Variants in JADE1 observed in about 807,000 individuals in gnomAD.
The protein encoded by JADE1 is protein Jade-1.
Under a neutral mutation model 81.8 loss-of-function variants are expected in JADE1, and 14 were observed. That is an observed-to-expected ratio of 0.17 (90% CI 0.11 to 0.27). The LOEUF is 0.27. Ranked by LOEUF, JADE1 falls within the 10% of genes least tolerant of loss-of-function variation. JADE1 has a pLI of 1.00. For missense variants in JADE1, 690 were observed against 1,047.9 expected (o/e 0.66, Z 4.71); for synonymous variants, 353 against 391.9 (o/e 0.90, Z 1.17).
chr4:128,833,610 C>T (rs1728730562), intron 2 of JADE1, among the ~76,000 whole-genome samples: 1 of 152,148 alleles, frequency 6.6e-6, no homozygotes, highest in African/African-American at 2.4e-5. Context: ...AGGAGAATCA[C>T]TTGAACCCAG....
At chr4:128,855,596 C>G (rs1045110097) in intron 6 of JADE1, 34 bp from the exon 7 acceptor site, 12 of 1,543,594 alleles carry the variant, frequency 7.8e-6, no homozygotes, top group African/African-American at 1.4e-5. Context: ...TTCTCTTTCT[C>G]TCTATTCCTC....
At chr4:128,827,163 C>T (rs1404411051) in intron 1 of JADE1, among the ~76,000 whole-genome samples, 1 of 152,162 alleles carries the variant, frequency 6.6e-6, no homozygotes, top group African/African-American at 2.4e-5. Flanking sequence ...CTCCATCCCC[C>T]TCTGCAAGAT....
At chr4:128,860,847 C>T (rs944941879) in intron 8 of JADE1, among the ~76,000 whole-genome samples, 13 of 152,176 alleles carry the variant, frequency 8.5e-5, no homozygotes, top group Non-Finnish European at 1.6e-4. Context: ...CACGGTTCTC[C>T]TGCCTCTCTT....
chr4:128,862,245 C>A lies in JADE1; in HGVS notation c.1503+20C>A. The A allele has an allele frequency of 6.2e-7, 1 of 1,613,648 alleles. No homozygotes were observed. Among genetic ancestry groups the A allele is most frequent in the Non-Finnish European group, 8.5e-7 (1 of 1,179,686 alleles). On this transcript the variant is annotated intron_variant, in intron 9 of 10. Transcript: ENST00000226319. ...GAGAGGGTAATGATTGACACTGACACCTTATAGTGACTTAGAGAAGAAGAT... is the reference window on the plus strand; with the variant it reads ...GAGAGGGTAATGATTGACACTGACAACTTATAGTGACTTAGAGAAGAAGAT...
intron 1 of JADE1, among the ~76,000 whole-genome samples, chr4:128,813,506 C>T (rs1344263883): frequency 6.6e-6 from 1 of 150,728 alleles, no homozygotes; most frequent in East Asian, 2.0e-4. Context: ...GCAACCTCCG[C>T]CTCCTGGGTT....
intron 4 of JADE1, 131 bp from the exon 5 acceptor site, chr4:128,848,849 C>A: frequency 2.5e-6 from 2 of 794,242 alleles, no homozygotes; most frequent in East Asian, 2.5e-5. Flanking sequence ...CAGTGACATT[C>A]AGGTTTTCAG....
intron 9 of JADE1, chr4:128,863,990 C>T (rs1731585109): frequency 1.0e-5 from 10 of 985,352 alleles, no homozygotes; most frequent in Non-Finnish European, 1.2e-5. Context: ...TAATTCTAAA[C>T]ATTTTTTTTG....
At chr4:128,825,971 T>A (rs1728027621) in intron 1 of JADE1, among the ~76,000 whole-genome samples, 1 of 152,230 alleles carries the variant, frequency 6.6e-6, no homozygotes, top group Non-Finnish European at 1.5e-5. Flanking sequence ...GATTGTTAAG[T>A]AACTGGTCCA....
intron 1 of JADE1, 78 bp from the exon 2 acceptor site, chr4:128,831,655 C>T (rs1308128382): frequency 8.0e-7 from 1 of 1,248,922 alleles, no homozygotes; most frequent in Non-Finnish European, 1.2e-6. Flanking sequence ...TGCTGTAAAT[C>T]CTGGGCTGCC....
rs1732324496 is a variant in JADE1 at position 128,873,256 on chromosome 4, G to GAAAAAAAAAAAAAAAGAAAAAAAGA, written c.*1009_*1010insGAAAAAAAGAAAAAAAAAAAAAAAA. ...CATGAATGGATTCCTTAAGAAAAAG[G>GAAAAAAAAAAAAAAAGAAAAAAAGA]AAAAAAAAAAAAAAAAGAAAAAAAG... On this transcript the variant is annotated 3_prime_UTR_variant, in exon 11 of 11. Coordinates refer to ENST00000226319, the MANE Select transcript of JADE1 (RefSeq NM_199320.4). 1 of 28,694 alleles carries GAAAAAAAAAAAAAAAGAAAAAAAGA rather than the reference G, an allele frequency of 3.5e-5. No homozygotes were observed. The highest frequency in any genetic ancestry group is 1.2e-4 in the African/African-American group (1 of 8,438). 1.8% of individuals were successfully genotyped at this position (28,694 alleles called of 1,614,324 possible).
chr4:128,845,389 G>GGTA (rs1473954078), intron 3 of JADE1, among the ~76,000 whole-genome samples: 2 of 152,144 alleles, frequency 1.3e-5, no homozygotes, highest in African/African-American at 2.4e-5. Context: ...GTGGGGAGAG[G>GGTA]GTAGTGACTT....
chr4:128,822,896 C>T (rs1322053448), intron 1 of JADE1, among the ~76,000 whole-genome samples: 1 of 152,122 alleles, frequency 6.6e-6, no homozygotes, highest in African/African-American at 2.4e-5. Flanking sequence ...TATTTTCTCT[C>T]CTCCTATTAT....
chr4:128,816,104 T>C (rs557661745), intron 1 of JADE1, among the ~76,000 whole-genome samples: 1 of 152,324 alleles, frequency 6.6e-6, no homozygotes, highest in East Asian at 1.9e-4. Flanking sequence ...GAAAGTATTT[T>C]AATTCCTGAG....
intron 8 of JADE1, among the ~76,000 whole-genome samples, chr4:128,858,115 GAA>G (rs1560769487): frequency 6.6e-6 from 1 of 152,118 alleles, no homozygotes. Context: ...GAGCGTGAGC[GAA>G]AGAGTGCGTG....
chr4:128,870,257 G>T (rs914049146), intron 10 of JADE1, among the ~76,000 whole-genome samples: 3 of 152,196 alleles, frequency 2.0e-5, no homozygotes, highest in African/African-American at 7.2e-5. Flanking sequence ...AACACCTCCT[G>T]TGGTCATGAC....
chr4:128,857,702 C>A (rs1013898843), intron 8 of JADE1, among the ~76,000 whole-genome samples: 3 of 152,158 alleles, frequency 2.0e-5, no homozygotes, highest in African/African-American at 7.2e-5. Context: ...AGCTGTGAGG[C>A]GGTTGCAGTT....
At position 128,874,318 on chromosome 4, in the gene JADE1, TTAATC is replaced by T. The variant is rs946642462; in HGVS notation, c.*2059_*2063del. 6.6e-6 allele frequency: 1 copy of T among 152,558 alleles called. No homozygotes were observed. Among genetic ancestry groups the T allele is most frequent in the African/African-American group, 2.4e-5 (1 of 41,420 alleles). The allele number at this position is 152,558 out of a possible 1,614,324, so 9.5% of individuals were successfully genotyped here. A position where few individuals can be genotyped will look rare whatever the true frequency, so the allele number is the denominator to read the frequency against. Reference sequence around the variant, plus strand: ...TCAAGCCATAGAAAGAAAATCTAAATTAATCTAGTAAGTGTATGACCTCTCACCAT... The same window carrying T: ...TCAAGCCATAGAAAGAAAATCTAAATTAGTAAGTGTATGACCTCTCACCAT... On this transcript the variant is annotated 3_prime_UTR_variant, in exon 11 of 11. Transcript: ENST00000226319.
At chr4:128,853,220 A>G (rs6847753) in intron 6 of JADE1, among the ~76,000 whole-genome samples, 117,584 of 152,150 alleles carry the variant, frequency 0.77, 47,087 homozygotes, top group South Asian at 0.92. Context: ...ATGGGACTAG[A>G]GACCCACCCT....
chr4:128,841,060 C>T (rs916840033), intron 2 of JADE1, among the ~76,000 whole-genome samples: 1 of 152,204 alleles, frequency 6.6e-6, no homozygotes, highest in Non-Finnish European at 1.5e-5. Context: ...TCCCCAAGGT[C>T]TTAAGGGTGC....
Sources: allele counts gnomAD v4.1 joint callset (sites outside exome capture counted in the v4.1 genomes callset), GRCh38; gene constraint gnomAD v4.1.1; transcripts MANE v1.5; gene names NCBI Gene and HGNC (gene_info 2026-07-23, HGNC 2026-07-21).